NCKAP5: variants seen among roughly 807,000 people sequenced by gnomAD.
NCKAP5 encodes NCK associated protein 5.
Under a neutral mutation model 167.0 loss-of-function variants are expected in NCKAP5, and 92 were observed. That is an observed-to-expected ratio of 0.55 (90% CI 0.47 to 0.66). The LOEUF is 0.66. Ranked by LOEUF, NCKAP5 falls within the 30% of genes least tolerant of loss-of-function variation. The pLI, the probability that NCKAP5 is intolerant of heterozygous loss-of-function variation, is 0.00. For synonymous variants in NCKAP5, 891 were observed against 877.4 expected (o/e 1.02, Z -0.27); for missense variants, 2,378 against 2,315.0 (o/e 1.03, Z -0.56).
chr2:133,010,244 A>G (rs1299419069), intron 6 of NCKAP5, among the ~76,000 whole-genome samples: 4 of 152,218 alleles, frequency 2.6e-5, no homozygotes, highest in Non-Finnish European at 1.5e-5. Flanking sequence ...CTTCATAAGA[A>G]ATATGCTTTA....
intron 19 of NCKAP5, among the ~76,000 whole-genome samples, chr2:132,710,267 C>A (rs542818070): frequency 1.3e-5 from 2 of 152,194 alleles, no homozygotes; most frequent in African/African-American, 2.4e-5. Context: ...AAACTAAAAA[C>A]AAAACAGTTA....
At chr2:133,025,190 CAAG>C (rs1290546729) in intron 6 of NCKAP5, among the ~76,000 whole-genome samples, 1 of 152,122 alleles carries the variant, frequency 6.6e-6, no homozygotes, top group Non-Finnish European at 1.5e-5. Flanking sequence ...TATGATGTTG[CAAG>C]AAGATTTAAA....
intron 11 of NCKAP5, among the ~76,000 whole-genome samples, chr2:132,835,353 C>T (rs908095966): frequency 8.5e-5 from 13 of 152,158 alleles, no homozygotes; most frequent in East Asian, 5.8e-4. Context: ...AGAATTCAGC[C>T]GCTTTGTTTA....
intron 6 of NCKAP5, among the ~76,000 whole-genome samples, chr2:133,076,765 C>A (rs1042848145): frequency 6.6e-6 from 1 of 152,150 alleles, no homozygotes; most frequent in Non-Finnish European, 1.5e-5. Context: ...GGTCACAGGA[C>A]GGCTACTGCT....
intron 8 of NCKAP5, among the ~76,000 whole-genome samples, chr2:132,943,478 C>T (rs75778085): frequency 0.024 from 3,652 of 152,272 alleles, 142 homozygotes; most frequent in African/African-American, 0.082. Context: ...AGTGTGATAA[C>T]ATAGATGCAA....
At chr2:132,715,185 C>A (rs1017788085) in intron 19 of NCKAP5, among the ~76,000 whole-genome samples, 2 of 152,134 alleles carry the variant, frequency 1.3e-5, no homozygotes, top group East Asian at 3.9e-4. Context: ...AAGACTGCAC[C>A]TTGCTTTTTC....
chr2:133,524,078 C>T (rs1354537226), intron 2 of NCKAP5, among the ~76,000 whole-genome samples: 1 of 152,112 alleles, frequency 6.6e-6, no homozygotes, highest in Non-Finnish European at 1.5e-5. Flanking sequence ...CCTGGGGAGT[C>T]ATTAAGGCCC....
At chr2:133,456,558 T>C (rs1199803417) in intron 3 of NCKAP5, among the ~76,000 whole-genome samples, 2 of 152,126 alleles carry the variant, frequency 1.3e-5, no homozygotes, top group East Asian at 1.9e-4. Context: ...TCATGTTCCA[T>C]GGGAGAAAGA....
At chr2:132,891,261 C>T (rs1424345737) in intron 8 of NCKAP5, among the ~76,000 whole-genome samples, 4 of 152,072 alleles carry the variant, frequency 2.6e-5, no homozygotes, top group African/African-American at 9.7e-5. Context: ...GGGGAGCCAC[C>T]CTCACATTTG....
At chr2:132,989,067 C>T (rs1017117845) in intron 7 of NCKAP5, among the ~76,000 whole-genome samples, 11 of 152,256 alleles carry the variant, frequency 7.2e-5, no homozygotes, top group South Asian at 2.1e-4. Context: ...ATATTCCATA[C>T]AGAAAAGTAG....
chr2:132,711,642 A>C (rs1029588446), intron 19 of NCKAP5, among the ~76,000 whole-genome samples: 1 of 152,194 alleles, frequency 6.6e-6, no homozygotes, highest in Non-Finnish European at 1.5e-5. Flanking sequence ...TCTGAGTATG[A>C]GTATAGTCTT....
At chr2:133,323,947 A>T (rs901725074) in intron 3 of NCKAP5, among the ~76,000 whole-genome samples, 1 of 152,218 alleles carries the variant, frequency 6.6e-6, no homozygotes, top group East Asian at 1.9e-4. Context: ...TTATGTCCCA[A>T]GAAATTCCCC....
chr2:133,554,886 A>G (rs1252642080), intron 2 of NCKAP5, among the ~76,000 whole-genome samples: 2 of 152,126 alleles, frequency 1.3e-5, no homozygotes, highest in Non-Finnish European at 2.9e-5. Flanking sequence ...AGTCAGAGGT[A>G]TCTAGGTGTG....
intron 8 of NCKAP5, among the ~76,000 whole-genome samples, chr2:132,891,788 G>A (rs917759973): frequency 2.0e-5 from 3 of 152,234 alleles, no homozygotes; most frequent in Admixed American, 6.5e-5. Flanking sequence ...CCTGGAGTGC[G>A]AAGGCAAGAG....
intron 3 of NCKAP5, among the ~76,000 whole-genome samples, chr2:133,466,861 G>T (rs1346268262): frequency 6.6e-6 from 1 of 152,232 alleles, no homozygotes; most frequent in African/African-American, 2.4e-5. Flanking sequence ...CATTGATTTT[G>T]TATGCTGAGA....
chr2:133,369,164 G>A (rs375909097), intron 3 of NCKAP5, among the ~76,000 whole-genome samples: 15 of 152,174 alleles, frequency 9.9e-5, no homozygotes, highest in Admixed American at 2.6e-4. Context: ...AGCTTTCATC[G>A]AGGGAATCAC....
chr2:132,859,247 G>A (rs1028164798), intron 11 of NCKAP5, among the ~76,000 whole-genome samples: 1 of 151,992 alleles, frequency 6.6e-6, no homozygotes, highest in Non-Finnish European at 1.5e-5. Context: ...TAATTTGGGG[G>A]GCAAATTACA....
intron 8 of NCKAP5, among the ~76,000 whole-genome samples, chr2:132,921,534 ACATGAGTATATGATGCTATTGGG>A (rs1411403378): frequency 6.6e-6 from 1 of 152,220 alleles, no homozygotes; most frequent in East Asian, 1.9e-4. Context: ...TGCTGCTAGG[ACATGAGTATATGATGCTATTGGG>A]CATGCACAGG....
At chr2:133,489,368 G>C (rs915323791) in intron 3 of NCKAP5, among the ~76,000 whole-genome samples, 5 of 152,128 alleles carry the variant, frequency 3.3e-5, no homozygotes, top group Non-Finnish European at 7.3e-5. Context: ...TGATATTCAG[G>C]CAGACAGAGA....
Sources: gnomAD v4.1 joint callset for allele counts (sites outside exome capture counted in the v4.1 genomes callset) on GRCh38, gnomAD v4.1.1 for gene constraint, MANE v1.5 for transcripts, NCBI Gene and HGNC (gene_info 2026-07-23, HGNC 2026-07-21) for gene names.